Variants in TMEM184B observed in about 807,000 individuals in gnomAD.
TMEM184B encodes putative MAPK-activating protein FM08.
A neutral mutation model predicts 41.8 loss-of-function variants in TMEM184B; 17 were observed. The ratio of observed to expected loss-of-function variants is 0.41; its 90% CI spans 0.28 to 0.61. TMEM184B has a LOEUF of 0.61. TMEM184B is among the 20% of genes least tolerant of loss of function. The probability of loss-of-function intolerance (pLI) is 0.34; values close to 1 mark genes in which losing one functional copy is unlikely to be tolerated. For missense variants in TMEM184B, 393 were observed against 557.8 expected (o/e 0.70, Z 2.98); for synonymous variants, 240 against 229.5 (o/e 1.05, Z -0.41).
Position 38,219,489 on chromosome 22 carries a change from T to C in TMEM184B, c.*1980A>G, listed in dbSNP as rs1264259927. On this transcript the variant is annotated 3_prime_UTR_variant, in exon 9 of 9. Coordinates refer to ENST00000361906, the MANE Select transcript of TMEM184B (RefSeq NM_012264.5). ...ATCATACAATTAATTTTTCAAGTAT[T>C]CTTTATGTACAAAGAGCTACTCTAC... is the stretch of plus-strand genomic sequence containing the variant. 2.0e-6 allele frequency: 2 copies of C among 985,526 alleles called. No individual in the cohort carries two copies. The highest frequency in any genetic ancestry group is 3.5e-5 in the African/African-American group (2 of 57,162). The allele number at this position is 985,526 out of a possible 1,614,324, so 61.0% of individuals were successfully genotyped here. A position where few individuals can be genotyped will look rare whatever the true frequency, so the allele number is the denominator to read the frequency against.
Position 38,221,105 on chromosome 22 carries a change from C to G in TMEM184B, c.*364G>C. On this transcript the variant is annotated 3_prime_UTR_variant, in exon 9 of 9. Transcript: ENST00000361906. ...TGCCGACCTCAGCCTGAGAGTCTCG[C>G]GGGGAGGAGGGGCTAGAAGGCTGCA... The G allele has an allele frequency of 9.2e-7, 1 of 1,091,024 alleles. No individual in the cohort carries two copies. The highest frequency in any genetic ancestry group is 1.1e-6 in the Non-Finnish European group (1 of 896,106). 67.6% of individuals were successfully genotyped at this position (1,091,024 alleles called of 1,614,324 possible). A position where few individuals can be genotyped will look rare whatever the true frequency, so the allele number is the denominator to read the frequency against.
At chr22:38,243,729 G>A (rs76670409) in intron 3 of TMEM184B, among the ~76,000 whole-genome samples, 5,866 of 152,242 alleles carry the variant, frequency 0.039, 355 homozygotes, top group African/African-American at 0.13. Flanking sequence ...GGATGTTACT[G>A]AGGCCCCACA....
chr22:38,249,042 G>A (rs908453269), intron 1 of TMEM184B, among the ~76,000 whole-genome samples: 3 of 152,106 alleles, frequency 2.0e-5, no homozygotes, highest in Non-Finnish European at 4.4e-5. Flanking sequence ...GAGACTTCTA[G>A]CCATTCCGCA....
intron 3 of TMEM184B, among the ~76,000 whole-genome samples, chr22:38,241,624 C>A (rs1391155992): frequency 6.6e-6 from 1 of 151,842 alleles, no homozygotes; most frequent in Non-Finnish European, 1.5e-5. Context: ...GGTGCTCATG[C>A]CTGTAATACC....
At chr22:38,251,519 T>C (rs2092162187) in intron 1 of TMEM184B, among the ~76,000 whole-genome samples, 1 of 152,202 alleles carries the variant, frequency 6.6e-6, no homozygotes. Context: ...CCTTGCTCCC[T>C]GGACCCAAGG....
At chr22:38,265,161 A>G (rs1382022258) in intron 1 of TMEM184B, among the ~76,000 whole-genome samples, 1 of 152,056 alleles carries the variant, frequency 6.6e-6, no homozygotes, top group African/African-American at 2.4e-5. Context: ...TCCTTGAGTA[A>G]CCTGCCTGTC....
chr22:38,236,482 T>C (rs945600580), intron 3 of TMEM184B, among the ~76,000 whole-genome samples: 2 of 151,822 alleles, frequency 1.3e-5, no homozygotes, highest in African/African-American at 4.8e-5. Context: ...ACCATTTCCT[T>C]TTTTTGTTTT....
Position 38,259,539 on chromosome 22 carries a change from C to T in TMEM184B, c.-58-11520G>A, listed in dbSNP as rs796683005. ...AGAGAGGAAAGTGGAAGCTGCTACG[C>T]TGCTGCCCTTGCAGATGGCGAAAGG... On this transcript the variant is annotated intron_variant, in intron 1 of 8. Coordinates refer to ENST00000361906, the MANE Select transcript of TMEM184B (RefSeq NM_012264.5). Among the ~76,000 whole-genome samples, 73 of 152,286 alleles carry T rather than the reference C, an allele frequency of 4.8e-4. 1 individual carries two copies. Among genetic ancestry groups the T allele is most frequent in the African/African-American group, 1.7e-3 (70 of 41,538 alleles).
rs947177174 is a variant in TMEM184B at position 38,221,212 on chromosome 22, A to G, written c.*257T>C. On this transcript the variant is annotated 3_prime_UTR_variant, in exon 9 of 9. Coordinates refer to ENST00000361906, the MANE Select transcript of TMEM184B (RefSeq NM_012264.5). Reference sequence around the variant, plus strand: ...CCAGCACAGGACGGGCAGCAGGGGCATAAGCCTTGCTCCCAGTGTCCTCTG... The same window carrying G: ...CCAGCACAGGACGGGCAGCAGGGGCGTAAGCCTTGCTCCCAGTGTCCTCTG... 5.2e-6 allele frequency: 7 copies of G among 1,338,998 alleles called. No individual in the cohort carries two copies. In the African/African-American group the frequency reaches 1.0e-4, roughly 20 times the overall value. The allele number at this position is 1,338,998 out of a possible 1,614,324, so 82.9% of individuals were successfully genotyped here.
At chr22:38,240,732 C>CAAAAAAAAAAAAAAA (rs550793359) in intron 3 of TMEM184B, among the ~76,000 whole-genome samples, 1 of 66,562 alleles carries the variant, frequency 1.5e-5, no homozygotes, top group African/African-American at 6.1e-5. Context: ...GAAAAAAAGG[C>CAAAAAAAAAAAAAAA]AAAAAAAAAA....
At chr22:38,224,691 C>T (rs1602363817) in intron 8 of TMEM184B, 94 bp downstream of exon 8, 4 of 1,321,650 alleles carry the variant, frequency 3.0e-6, no homozygotes, top group East Asian at 2.6e-5. Flanking sequence ...CTGACCCAGC[C>T]GCACCTGTAG....
intron 1 of TMEM184B, chr22:38,272,606 C>T (rs1050541086): frequency 2.0e-6 from 2 of 985,480 alleles, no homozygotes; most frequent in Non-Finnish European, 1.2e-6. Context: ...CGGACAGGTC[C>T]GATTACACTC....
intron 3 of TMEM184B, among the ~76,000 whole-genome samples, chr22:38,243,483 C>T (rs1042424529): frequency 6.6e-6 from 1 of 152,178 alleles, no homozygotes; most frequent in Non-Finnish European, 1.5e-5. Flanking sequence ...CAGAGGCTGC[C>T]CCTGGGTACC....
intron 3 of TMEM184B, among the ~76,000 whole-genome samples, chr22:38,236,203 A>C (rs1026754920): frequency 7.9e-5 from 12 of 152,290 alleles, no homozygotes; most frequent in Admixed American, 2.6e-4. Context: ...CCATCGTTGG[A>C]ATGAGAGTAG....
chr22:38,268,271 C>T (rs150101542), intron 1 of TMEM184B, among the ~76,000 whole-genome samples: 1,912 of 151,482 alleles, frequency 0.013, 32 homozygotes, highest in African/African-American at 0.038. Flanking sequence ...ATCCCCGCTA[C>T]TTGGGAGGCT....
intron 1 of TMEM184B, among the ~76,000 whole-genome samples, chr22:38,249,163 AT>A (rs2092106952): frequency 6.6e-6 from 1 of 152,156 alleles, no homozygotes; most frequent in Non-Finnish European, 1.5e-5. Flanking sequence ...GATTATTATT[AT>A]TTTGACACAG....
intron 1 of TMEM184B, 45 bp from the exon 2 acceptor site, chr22:38,248,064 G>A (rs1391175341): frequency 6.8e-6 from 10 of 1,465,460 alleles, no homozygotes; most frequent in African/African-American, 1.4e-5. Context: ...CAGGGCAAGT[G>A]GCAGCATTGG....
chr22:38,242,591 T>C (rs2413510), intron 3 of TMEM184B, among the ~76,000 whole-genome samples: 58,318 of 152,180 alleles, frequency 0.38, 11,779 homozygotes, highest in African/African-American at 0.5. Context: ...CACTCCCTCC[T>C]GGGCCCTCCT....
Position 38,221,308 on chromosome 22 carries a change from C to T in TMEM184B, c.*161G>A. The T allele has an allele frequency of 2.1e-6, 3 of 1,435,286 alleles. No homozygotes were observed. The highest frequency in any genetic ancestry group is 1.4e-5 in the African/African-American group (1 of 69,690). The allele number at this position is 1,435,286 out of a possible 1,614,324, so 88.9% of individuals were successfully genotyped here. A position where few individuals can be genotyped will look rare whatever the true frequency, so the allele number is the denominator to read the frequency against. On this transcript the variant is annotated 3_prime_UTR_variant, in exon 9 of 9. Transcript: ENST00000361906. Reference sequence around the variant, plus strand: ...AAGGCCCATGGGCGAGCCTGGCTGTCCCCCGTTCCTCTGGAAGTGACATGT... The same window carrying T: ...AAGGCCCATGGGCGAGCCTGGCTGTTCCCCGTTCCTCTGGAAGTGACATGT...
Sources: allele counts gnomAD v4.1 joint callset (sites outside exome capture counted in the v4.1 genomes callset), GRCh38; gene constraint gnomAD v4.1.1; transcripts MANE v1.5; gene names NCBI Gene and HGNC (gene_info 2026-07-23, HGNC 2026-07-21).